AUTS2: variants seen among roughly 807,000 people sequenced by gnomAD.
AUTS2 encodes the protein autism susceptibility gene 2 protein.
A neutral mutation model predicts 112.4 loss-of-function variants in AUTS2; 17 were observed. That is an observed-to-expected ratio of 0.15 (90% CI 0.10 to 0.23). The LOEUF (loss-of-function observed/expected upper bound fraction) is 0.23, where lower values mean the gene tolerates loss of function less well. Among genes scored for constraint, AUTS2 ranks in the 10% least tolerant of loss-of-function variants. The pLI, the probability that AUTS2 is intolerant of heterozygous loss-of-function variation, is 1.00. For synonymous variants in AUTS2, 751 were observed against 702.7 expected, an observed-to-expected ratio of 1.07 and a Z score of -1.09; for missense variants, 1,510 against 1,701.6, an observed-to-expected ratio of 0.89 and a Z score of 1.98.
chr7:70,103,378 A>G (rs1219337576), intron 2 of AUTS2, among the ~76,000 whole-genome samples: 1 of 152,132 alleles, frequency 6.6e-6, no homozygotes, highest in African/African-American at 2.4e-5. Flanking sequence ...TCTGAGAGGA[A>G]CCTGTAGCTC....
At chr7:69,979,586 T>G (rs1798208938) in intron 2 of AUTS2, among the ~76,000 whole-genome samples, 2 of 152,226 alleles carry the variant, frequency 1.3e-5, no homozygotes. Flanking sequence ...AAATAAAAGA[T>G]GCAGCCAATC....
chr7:70,541,835 A>G (rs1401535284), intron 5 of AUTS2, among the ~76,000 whole-genome samples: 1 of 152,196 alleles, frequency 6.6e-6, no homozygotes, highest in Non-Finnish European at 1.5e-5. Context: ...TGGCCAAGGA[A>G]AGAGCTAGGG....
At chr7:69,761,496 T>C (rs1414504791) in intron 1 of AUTS2, among the ~76,000 whole-genome samples, 1 of 152,174 alleles carries the variant, frequency 6.6e-6, no homozygotes, top group African/African-American at 2.4e-5. Flanking sequence ...TCAGTCCTGT[T>C]AGTCGTTTTG....
At chr7:70,082,074 G>A (rs1289150099) in intron 2 of AUTS2, among the ~76,000 whole-genome samples, 2 of 152,056 alleles carry the variant, frequency 1.3e-5, no homozygotes, top group East Asian at 3.9e-4. Context: ...TGTTTTCTCT[G>A]TGTGTGTTTG....
intron 2 of AUTS2, among the ~76,000 whole-genome samples, chr7:70,003,323 C>T (rs1249068857): frequency 7.2e-5 from 9 of 124,390 alleles, no homozygotes; most frequent in African/African-American, 2.5e-4. Flanking sequence ...ATATATATAA[C>T]ATATGAATAT....
intron 5 of AUTS2, among the ~76,000 whole-genome samples, chr7:70,588,033 G>A (rs1326989004): frequency 6.6e-6 from 1 of 152,134 alleles, no homozygotes; most frequent in Non-Finnish European, 1.5e-5. Context: ...TGTTAAATAG[G>A]TTCTTCAACA....
chr7:70,029,783 TG>T (rs1310068200), intron 2 of AUTS2, among the ~76,000 whole-genome samples: 1 of 152,194 alleles, frequency 6.6e-6, no homozygotes, highest in African/African-American at 2.4e-5. Flanking sequence ...TGTTCAACTT[TG>T]CTGGTCATAT....
intron 5 of AUTS2, among the ~76,000 whole-genome samples, chr7:70,520,605 A>G (rs971680363): frequency 2.0e-5 from 3 of 152,208 alleles, no homozygotes; most frequent in African/African-American, 7.2e-5. Flanking sequence ...CAGCCAATAA[A>G]AAATACCCTT....
intron 5 of AUTS2, among the ~76,000 whole-genome samples, chr7:70,566,307 A>G (rs148939331): frequency 1.2e-4 from 19 of 152,334 alleles, no homozygotes; most frequent in Admixed American, 1.2e-3. Flanking sequence ...TTCAATTTCT[A>G]TGAAGATGGG....
intron 5 of AUTS2, among the ~76,000 whole-genome samples, chr7:70,674,126 C>T (rs927421649): frequency 6.6e-6 from 1 of 152,138 alleles, no homozygotes; most frequent in African/African-American, 2.4e-5. Flanking sequence ...CTTGACTGGG[C>T]AGCTCCCGGC....
In AUTS2 at chr7:70,072,385, T is replaced by G. The variant is rs116084918; in HGVS notation, c.523-45747T>G. ...ATATATACAGTACTTGAACTTGATG[T>G]GTAGGCCATTCACAGCTGTTGTCCT... is the stretch of plus-strand genomic sequence containing the variant. On this transcript the variant is annotated intron_variant, in intron 2 of 18. Coordinates refer to ENST00000342771, the MANE Select transcript of AUTS2 (RefSeq NM_015570.4). Among the ~76,000 whole-genome samples, 442 of 152,294 alleles carry G rather than the reference T, an allele frequency of 2.9e-3. 5 individuals carry two copies. The highest frequency in any genetic ancestry group is 0.01 in the African/African-American group (428 of 41,572).
At chr7:70,209,769 C>T (rs1810760967) in intron 4 of AUTS2, among the ~76,000 whole-genome samples, 1 of 152,172 alleles carries the variant, frequency 6.6e-6, no homozygotes, top group Non-Finnish European at 1.5e-5. Context: ...TCCTTTACTA[C>T]AACCGATTAA....
In AUTS2 at chr7:69,744,438, A is replaced by G. The variant is rs150630853; in HGVS notation, c.309+144476A>G. Among the ~76,000 whole-genome samples, 505 of 152,298 alleles carry G rather than the reference A, an allele frequency of 3.3e-3. 15 individuals carry two copies. In the East Asian group the frequency reaches 0.073, roughly 22 times the overall value. ...TCTCACAGCCAGAAAGGTGTCAAGCATGGACCAACATTTGATACTCCTTTT... is the reference window on the plus strand; with the variant it reads ...TCTCACAGCCAGAAAGGTGTCAAGCGTGGACCAACATTTGATACTCCTTTT... On this transcript the variant is annotated intron_variant, in intron 1 of 18. Transcript: ENST00000342771.
At chr7:70,583,231 A>C (rs888103773) in intron 5 of AUTS2, among the ~76,000 whole-genome samples, 2 of 152,174 alleles carry the variant, frequency 1.3e-5, no homozygotes, top group Non-Finnish European at 2.9e-5. Context: ...TTACGGTAAG[A>C]TATCCCAGAG....
chr7:70,618,103 G>T (rs557809896), intron 5 of AUTS2, among the ~76,000 whole-genome samples: 1 of 152,190 alleles, frequency 6.6e-6, no homozygotes, highest in Non-Finnish European at 1.5e-5. Context: ...CTCCCTCTTA[G>T]ACCAGGCTTT....
At chr7:70,707,906 C>T (rs1047488668) in intron 6 of AUTS2, among the ~76,000 whole-genome samples, 1 of 152,170 alleles carries the variant, frequency 6.6e-6, no homozygotes, top group Admixed American at 6.5e-5. Flanking sequence ...AGGCCCAAAT[C>T]TGTGCTGTTA....
chr7:69,677,614 C>T (rs1160731132), intron 1 of AUTS2, among the ~76,000 whole-genome samples: 1 of 152,162 alleles, frequency 6.6e-6, no homozygotes, highest in African/African-American at 2.4e-5. Flanking sequence ...ATGATCTAAT[C>T]TGGGTTTGAG....
At chr7:70,717,585 C>G (rs1323190072) in intron 6 of AUTS2, among the ~76,000 whole-genome samples, 1 of 152,072 alleles carries the variant, frequency 6.6e-6, no homozygotes, top group Admixed American at 6.5e-5. Flanking sequence ...TTTGCCTGTT[C>G]TTTAAAAAGC....
intron 1 of AUTS2, among the ~76,000 whole-genome samples, chr7:69,875,750 T>G (rs1793702818): frequency 6.6e-6 from 1 of 152,228 alleles, no homozygotes; most frequent in African/African-American, 2.4e-5. Flanking sequence ...AGGTTCAGAC[T>G]TTGGGACCCC....
Sources: gnomAD v4.1 joint callset for allele counts (sites outside exome capture counted in the v4.1 genomes callset) on GRCh38, gnomAD v4.1.1 for gene constraint, MANE v1.5 for transcripts, NCBI Gene and HGNC (gene_info 2026-07-23, HGNC 2026-07-21) for gene names.